Variants in ADGRL3 observed in about 807,000 individuals in gnomAD.
The protein encoded by ADGRL3 is adhesion G protein-coupled receptor L3.
Under a neutral mutation model 153.5 loss-of-function variants are expected in ADGRL3, and 62 were observed. The observed-to-expected ratio is 0.40, with a 90% CI of 0.33 to 0.50. The LOEUF is 0.50. Ranked by LOEUF, ADGRL3 falls within the 20% of genes least tolerant of loss-of-function variation. ADGRL3 has a pLI of 0.47. For missense variants in ADGRL3, 1,641 were observed against 1,859.4 expected, an observed-to-expected ratio of 0.88 and a Z score of 2.16; for synonymous variants, 710 against 672.5, an observed-to-expected ratio of 1.06 and a Z score of -0.86.
intron 4 of ADGRL3, among the ~76,000 whole-genome samples, chr4:61,575,254 A>C (rs2098866298): frequency 6.6e-6 from 1 of 152,038 alleles, no homozygotes; most frequent in Admixed American, 6.6e-5. Context: ...TCCTCTAATA[A>C]GAGTTTTAGC....
At chr4:61,630,050 T>A (rs890357809) in intron 5 of ADGRL3, among the ~76,000 whole-genome samples, 5 of 152,154 alleles carry the variant, frequency 3.3e-5, no homozygotes, top group African/African-American at 1.2e-4. Context: ...GTATTTTGCA[T>A]GCACACTTTC....
At chr4:61,735,396 A>G (rs2096495056) in intron 8 of ADGRL3, among the ~76,000 whole-genome samples, 1 of 152,206 alleles carries the variant, frequency 6.6e-6, no homozygotes, top group African/African-American at 2.4e-5. Flanking sequence ...AACAAAAGCA[A>G]TTTCTCCTAA....
intron 5 of ADGRL3, among the ~76,000 whole-genome samples, chr4:61,598,744 A>G (rs1286967520): frequency 1.3e-5 from 2 of 152,208 alleles, no homozygotes; most frequent in Non-Finnish European, 2.9e-5. Context: ...AATTTCATGA[A>G]AAAATGTTAT....
At chr4:61,203,007 G>T (rs967166833) in intron 1 of ADGRL3, among the ~76,000 whole-genome samples, 2 of 152,220 alleles carry the variant, frequency 1.3e-5, no homozygotes, top group Non-Finnish European at 2.9e-5. Flanking sequence ...AGGAAACCTT[G>T]CCGTGTCCCC....
chr4:61,381,479 A>G (rs1357841473), intron 1 of ADGRL3, among the ~76,000 whole-genome samples: 1 of 151,952 alleles, frequency 6.6e-6, no homozygotes, highest in African/African-American at 2.4e-5. Context: ...GTAGCTTTCA[A>G]CAAAATAGAG....
intron 4 of ADGRL3, among the ~76,000 whole-genome samples, chr4:61,585,049 T>C (rs2098940793): frequency 6.6e-6 from 1 of 151,980 alleles, no homozygotes; most frequent in South Asian, 2.1e-4. Context: ...AAGAACAAAC[T>C]TTAAAAGTAA....
rs548068803 is a variant in ADGRL3 at position 61,359,883 on chromosome 4, A to G, written c.-239-23241A>G. On this transcript the variant is annotated intron_variant, in intron 1 of 26. Coordinates refer to ENST00000683033, the MANE Select transcript of ADGRL3 (RefSeq NM_001387552.1). ...TCATTGAATGCATGAATTTTAAATC[A>G]CATAGTACATATTCAGCTCATAGGA... 6.9e-4 allele frequency among the ~76,000 whole-genome samples: 105 copies of G among 152,314 alleles called. 1 individual carries two copies. The highest frequency in any genetic ancestry group is 3.4e-3 in the Middle Eastern group (1 of 294).
At chr4:61,869,997 A>T in intron 9 of ADGRL3, among the ~76,000 whole-genome samples, 1 of 135,596 alleles carries the variant, frequency 7.4e-6, no homozygotes, top group African/African-American at 2.6e-5. Context: ...AGAGGGAGAG[A>T]GAGAGAGAGA....
At chr4:61,234,929 C>T (rs747491737) in intron 1 of ADGRL3, among the ~76,000 whole-genome samples, 5 of 152,104 alleles carry the variant, frequency 3.3e-5, no homozygotes, top group Non-Finnish European at 7.4e-5. Context: ...TGCTCATTTG[C>T]TCTTTCAAGA....
intron 1 of ADGRL3, among the ~76,000 whole-genome samples, chr4:61,284,303 A>G (rs2150040617): frequency 6.6e-6 from 1 of 152,044 alleles, no homozygotes; most frequent in East Asian, 1.9e-4. Flanking sequence ...TTGATAGAGT[A>G]TTAACTTACT....
chr4:61,513,158 T>C (rs1483991064), intron 3 of ADGRL3, among the ~76,000 whole-genome samples: 3 of 152,136 alleles, frequency 2.0e-5, no homozygotes, highest in African/African-American at 7.2e-5. Flanking sequence ...TTAATAGCTA[T>C]TTGGGGGAAT....
chr4:61,709,304 A>G (rs1181972766), intron 6 of ADGRL3, among the ~76,000 whole-genome samples: 1 of 152,130 alleles, frequency 6.6e-6, no homozygotes, highest in Admixed American at 6.6e-5. Flanking sequence ...ATGTTACCTA[A>G]TTGGCCTATG....
At chr4:61,289,047 G>A (rs1487402842) in intron 1 of ADGRL3, among the ~76,000 whole-genome samples, 3 of 151,780 alleles carry the variant, frequency 2.0e-5, no homozygotes, top group South Asian at 2.1e-4. Flanking sequence ...CTAGATATAC[G>A]TACATAAGTT....
At chr4:61,848,070 A>G (rs2098156849) in intron 9 of ADGRL3, among the ~76,000 whole-genome samples, 1 of 39,368 alleles carries the variant, frequency 2.5e-5, no homozygotes, top group East Asian at 4.8e-4. Context: ...TATATAATAT[A>G]AAATATATTA....
chr4:61,670,187 A>G (rs1404238723), intron 5 of ADGRL3, among the ~76,000 whole-genome samples: 1 of 152,068 alleles, frequency 6.6e-6, no homozygotes, highest in Non-Finnish European at 1.5e-5. Context: ...CCAGCTATTC[A>G]GGAGGCTGAG....
chr4:61,733,687 G>A, intron 8 of ADGRL3, 133 bp downstream of exon 8: 1 of 676,762 alleles, frequency 1.5e-6, no homozygotes, highest in Non-Finnish European at 2.5e-6. Context: ...CTTTGTCTTT[G>A]CATCTAAAGA....
intron 17 of ADGRL3, among the ~76,000 whole-genome samples, chr4:61,971,206 T>C (rs1296672662): frequency 6.6e-6 from 1 of 151,976 alleles, no homozygotes; most frequent in Non-Finnish European, 1.5e-5. Context: ...GTGCACAATG[T>C]GCAGGTTAGT....
At chr4:62,017,223 T>C (rs923801535) in intron 21 of ADGRL3, among the ~76,000 whole-genome samples, 7 of 152,032 alleles carry the variant, frequency 4.6e-5, no homozygotes. Context: ...ATTGAGCAGG[T>C]CCCAGGATAA....
chr4:61,682,121 C>T (rs1348367372), intron 6 of ADGRL3, among the ~76,000 whole-genome samples: 1 of 151,954 alleles, frequency 6.6e-6, no homozygotes, highest in Admixed American at 6.6e-5. Context: ...ATATAAATTT[C>T]AGTTTCTCCA....
Sources: allele counts gnomAD v4.1 joint callset (sites outside exome capture counted in the v4.1 genomes callset), GRCh38; gene constraint gnomAD v4.1.1; transcripts MANE v1.5; gene names NCBI Gene and HGNC (gene_info 2026-07-23, HGNC 2026-07-21).